The following CAMK4 variants were observed in gnomAD, a reference collection of about 807,000 sequenced individuals.
CAMK4 encodes calcium/calmodulin dependent protein kinase IV, also known as calcium/calmodulin-dependent protein kinase type IV.
In CAMK4, 22 loss-of-function variants were observed where a neutral mutation model predicts 44.9. The observed-to-expected ratio is 0.49, with a 90% CI of 0.35 to 0.70. The LOEUF (loss-of-function observed/expected upper bound fraction) is 0.70, where lower values mean the gene tolerates loss of function less well. Ranked by LOEUF, CAMK4 falls within the 30% of genes least tolerant of loss-of-function variation. CAMK4 has a pLI of 0.01. For synonymous variants in CAMK4, 218 were observed against 215.4 expected (o/e 1.01, Z -0.11); for missense variants, 498 against 586.8 (o/e 0.85, Z 1.56).
In CAMK4 at chr5:111,359,233, G is replaced by T. The variant is rs556531736; in HGVS notation, c.240+15131G>T. On this transcript the variant is annotated intron_variant, in intron 2 of 10. Transcript: ENST00000282356. ...CCTCCACAACCTTACCAGCATCTGT[G>T]ATTTTTTTGACTAATAGTAACCATT... 1.3e-3 allele frequency among the ~76,000 whole-genome samples: 48 copies of T among 36,074 alleles called. 6 individuals carry two copies. The highest frequency in any genetic ancestry group is 2.7e-3 in the African/African-American group (43 of 15,738). 23.7% of individuals were successfully genotyped at this position (36,074 alleles called of 152,430 possible).
chr5:111,375,052 T>C lies in CAMK4; in HGVS notation c.303+140T>C, dbSNP rs577016410. On this transcript the variant is annotated intron_variant, in intron 3 of 10. Transcript: ENST00000282356. Reference sequence around the variant, plus strand: ...CTATGTGCTAGCTCTTGTCCTCATCTCATCACCTTTTCAATCCTTTGGCTG... The same window carrying C: ...CTATGTGCTAGCTCTTGTCCTCATCCCATCACCTTTTCAATCCTTTGGCTG... 9.8e-5 allele frequency: 59 copies of C among 604,788 alleles called. No homozygotes were observed. In the East Asian group the frequency reaches 1.6e-3, roughly 17 times the overall value. 37.5% of individuals were successfully genotyped at this position (604,788 alleles called of 1,614,324 possible).
chr5:111,237,804 A>G (rs922190314), intron 1 of CAMK4, among the ~76,000 whole-genome samples: 4 of 152,208 alleles, frequency 2.6e-5, no homozygotes, highest in Non-Finnish European at 4.4e-5. Context: ...AGGAAGACCT[A>G]AGGAGAGGGT....
intron 4 of CAMK4, among the ~76,000 whole-genome samples, chr5:111,378,190 T>C (rs1490503592): frequency 6.6e-6 from 1 of 152,068 alleles, no homozygotes; most frequent in African/African-American, 2.4e-5. Context: ...CCTTTTACTA[T>C]GTAAGGACAC....
intron 4 of CAMK4, among the ~76,000 whole-genome samples, chr5:111,380,940 G>T (rs1751390507): frequency 6.6e-6 from 1 of 152,130 alleles, no homozygotes; most frequent in Non-Finnish European, 1.5e-5. Flanking sequence ...ACAAGGCTTT[G>T]CTCTTTGAAG....
intron 5 of CAMK4, among the ~76,000 whole-genome samples, chr5:111,397,425 CACTT>C (rs574573045): frequency 5.7e-4 from 87 of 152,258 alleles, no homozygotes; most frequent in African/African-American, 1.9e-3. Flanking sequence ...TATGCAGACA[CACTT>C]ACTCCCCAGC....
chr5:111,296,331 C>T (rs1253988914), intron 1 of CAMK4, among the ~76,000 whole-genome samples: 1 of 152,182 alleles, frequency 6.6e-6, no homozygotes, highest in Non-Finnish European at 1.5e-5. Flanking sequence ...TTCCATTACT[C>T]AGGAAAAGTC....
At position 111,444,280 on chromosome 5, in the gene CAMK4, A is replaced by G. The variant is rs114522797; in HGVS notation, c.460-2406A>G. 3.5e-3 allele frequency among the ~76,000 whole-genome samples: 529 copies of G among 152,326 alleles called. 3 individuals are homozygous for G. The highest frequency in any genetic ancestry group is 0.012 in the African/African-American group (493 of 41,570). On this transcript the variant is annotated intron_variant, in intron 5 of 10. Coordinates refer to ENST00000282356, the MANE Select transcript of CAMK4 (RefSeq NM_001744.6). ...CCTCAGTTTCTTCATTTGGAAAACA[A>G]ATATTAGACGACTTACTGGTTAGAG...
intron 2 of CAMK4, among the ~76,000 whole-genome samples, chr5:111,355,772 G>T (rs1428956294): frequency 6.6e-6 from 1 of 150,488 alleles, no homozygotes; most frequent in Admixed American, 6.6e-5. Context: ...TTGTCCTTGC[G>T]ATAGTTTACC....
intron 4 of CAMK4, among the ~76,000 whole-genome samples, chr5:111,386,217 C>T (rs1751596622): frequency 6.6e-6 from 1 of 152,192 alleles, no homozygotes; most frequent in African/African-American, 2.4e-5. Flanking sequence ...GGTAGATTTA[C>T]ACAGAGTACA....
chr5:111,479,095 T>G (rs1331528413), intron 9 of CAMK4, among the ~76,000 whole-genome samples: 1 of 152,142 alleles, frequency 6.6e-6, no homozygotes, highest in Non-Finnish European at 1.5e-5. Context: ...CCCAGGCTGG[T>G]CTCAAACTCC....
intron 7 of CAMK4, among the ~76,000 whole-genome samples, chr5:111,461,296 T>C (rs1754634137): frequency 6.6e-6 from 1 of 152,206 alleles, no homozygotes; most frequent in Non-Finnish European, 1.5e-5. Flanking sequence ...TGTAGTAAGC[T>C]GACAAGGCAG....
At chr5:111,287,769 A>T (rs1014786458) in intron 1 of CAMK4, among the ~76,000 whole-genome samples, 1 of 152,342 alleles carries the variant, frequency 6.6e-6, no homozygotes, top group Admixed American at 6.5e-5. Context: ...CATGAAAAGC[A>T]AATTAAAAAT....
chr5:111,233,791 T>C (rs1408191145), intron 1 of CAMK4, among the ~76,000 whole-genome samples: 1 of 152,192 alleles, frequency 6.6e-6, no homozygotes, highest in Non-Finnish European at 1.5e-5. Flanking sequence ...ATGAGGAACC[T>C]GTTTAAGCAA....
At chr5:111,342,019 G>T (rs74634525) in intron 1 of CAMK4, among the ~76,000 whole-genome samples, 1 of 151,306 alleles carries the variant, frequency 6.6e-6, no homozygotes, top group African/African-American at 2.4e-5. Flanking sequence ...CCGCTCTCTC[G>T]ATTACTGTAG....
At chr5:111,392,094 T>C (rs1364229055) in intron 4 of CAMK4, among the ~76,000 whole-genome samples, 1 of 152,206 alleles carries the variant, frequency 6.6e-6, no homozygotes, top group Non-Finnish European at 1.5e-5. Flanking sequence ...TGTATCTGTA[T>C]TGTAAGTTCA....
At chr5:111,238,675 T>G (rs1263715625) in intron 1 of CAMK4, among the ~76,000 whole-genome samples, 1 of 150,490 alleles carries the variant, frequency 6.6e-6, no homozygotes, top group African/African-American at 2.5e-5. Flanking sequence ...AGGAGTGATC[T>G]GCTCTTCTTT....
chr5:111,294,107 A>G (rs564035843), intron 1 of CAMK4, among the ~76,000 whole-genome samples: 336 of 152,238 alleles, frequency 2.2e-3, no homozygotes, highest in Middle Eastern at 0.01. Context: ...TGGTTTGTAT[A>G]TATCCATTTA....
At chr5:111,340,737 C>T (rs943231614) in intron 1 of CAMK4, among the ~76,000 whole-genome samples, 1 of 150,724 alleles carries the variant, frequency 6.6e-6, no homozygotes, top group Non-Finnish European at 1.5e-5. Flanking sequence ...GATAGTATTC[C>T]CTCCTCTTCA....
At chr5:111,394,669 A>T (rs918954036) in intron 4 of CAMK4, 41 bp from the exon 5 acceptor site, 4 of 1,342,194 alleles carry the variant, frequency 3.0e-6, no homozygotes, top group Non-Finnish European at 4.3e-6. Flanking sequence ...ATTCTTCTGA[A>T]TGAATGTGCC....
Sources: allele counts gnomAD v4.1 joint callset (sites outside exome capture counted in the v4.1 genomes callset), GRCh38; gene constraint gnomAD v4.1.1; transcripts MANE v1.5; gene names NCBI Gene and HGNC (gene_info 2026-07-23, HGNC 2026-07-21).